The following RREB1 variants were observed in gnomAD, a reference collection of about 807,000 sequenced individuals.
RREB1 encodes ras responsive element binding protein 1.
RREB1 carries 27 observed loss-of-function variants against 117.8 expected under a neutral mutation model. The observed-to-expected ratio is 0.23, with a 90% CI of 0.17 to 0.32. The LOEUF (loss-of-function observed/expected upper bound fraction) is 0.32, where lower values mean the gene tolerates loss of function less well. Ranked by LOEUF, RREB1 falls within the 10% of genes least tolerant of loss-of-function variation. The pLI, the probability that RREB1 is intolerant of heterozygous loss-of-function variation, is 1.00. For synonymous variants in RREB1, 1,298 were observed against 1,026.7 expected (o/e 1.26, Z -5.05); for missense variants, 2,577 against 2,378.2 (o/e 1.08, Z -1.74).
intron 12 of RREB1, among the ~76,000 whole-genome samples, chr6:7,247,537 G>C (rs1181326531): frequency 6.6e-6 from 1 of 152,148 alleles, no homozygotes; most frequent in African/African-American, 2.4e-5. Context: ...CTGTTTCATA[G>C]AGGTATCTAG....
Position 7,231,332 on chromosome 6 carries a change from C to T in RREB1, c.3233C>T (p.Ala1078Val), listed in dbSNP as rs373629551. 6.2e-7 allele frequency: 1 copy of T among 1,611,106 alleles called. No homozygotes were observed. ...IAQIISSVSS[A>V]PTLLKTKVAD... ...CAGATCATCTCATCTGTATCCTCGG[C>T]CCCCACCCTGCTGAAAACCAAGGTG... is the stretch of plus-strand genomic sequence containing the variant. Residue 1078 changes from alanine (A) to valine (V), a missense_variant, in exon 10 of 13, where the codon GCC (alanine) becomes GTC (valine). Transcript: ENST00000379938.
At chr6:7,221,549 T>C (rs574329449) in intron 8 of RREB1, among the ~76,000 whole-genome samples, 1 of 152,386 alleles carries the variant, frequency 6.6e-6, no homozygotes, top group East Asian at 1.9e-4. Context: ...AGAAATTTCT[T>C]CTCTGCCACT....
chr6:7,114,470 G>GC (rs1554114387), intron 1 of RREB1, among the ~76,000 whole-genome samples: 2 of 39,876 alleles, frequency 5.0e-5, no homozygotes, highest in African/African-American at 1.2e-4. Context: ...GTTTCTGGTG[G>GC]GGGGGGGGGC....
chr6:7,149,991 G>T (rs1287458015), intron 1 of RREB1, among the ~76,000 whole-genome samples: 2 of 144,164 alleles, frequency 1.4e-5, no homozygotes, highest in Non-Finnish European at 3.0e-5. Context: ...GCCTGGCCTG[G>T]TTGGTTTTTT....
chr6:7,215,308 C>T (rs6919004), intron 8 of RREB1: 80,239 of 151,836 alleles, frequency 0.53, 22,354 homozygotes, highest in East Asian at 0.79. Flanking sequence ...GGGCCACGCA[C>T]GTCCTTGGAA....
At chr6:7,247,545 T>C (rs1456305934) in intron 12 of RREB1, among the ~76,000 whole-genome samples, 1 of 152,158 alleles carries the variant, frequency 6.6e-6, no homozygotes, top group Non-Finnish European at 1.5e-5. Context: ...TAGAGGTATC[T>C]AGGAGAGGGT....
At chr6:7,148,465 A>G (rs1762969290) in intron 1 of RREB1, among the ~76,000 whole-genome samples, 1 of 149,554 alleles carries the variant, frequency 6.7e-6, no homozygotes, top group Non-Finnish European at 1.5e-5. Flanking sequence ...TGTATCCACA[A>G]TTATCTCAGG....
chr6:7,134,203 T>C (rs941982251), intron 1 of RREB1, among the ~76,000 whole-genome samples: 14 of 152,184 alleles, frequency 9.2e-5, no homozygotes, highest in Non-Finnish European at 1.8e-4. Context: ...AAGAGAAAAA[T>C]ACTGAACTGA....
At chr6:7,215,714 C>G (rs1397257300) in intron 8 of RREB1, 1 of 152,230 alleles carries the variant, frequency 6.6e-6, no homozygotes, top group South Asian at 2.1e-4. Flanking sequence ...CCAGTATCAT[C>G]AAAATATAAT....
intron 1 of RREB1, among the ~76,000 whole-genome samples, chr6:7,123,896 C>T (rs1355970968): frequency 6.6e-6 from 1 of 152,106 alleles, no homozygotes; most frequent in Non-Finnish European, 1.5e-5. Context: ...CAGGTGTGAG[C>T]CACCGCGCCC....
At chr6:7,126,790 C>T (rs1276089688) in intron 1 of RREB1, among the ~76,000 whole-genome samples, 3 of 152,196 alleles carry the variant, frequency 2.0e-5, no homozygotes, top group Non-Finnish European at 4.4e-5. Flanking sequence ...AGCAAGCCTG[C>T]ATCAAGAACC....
At chr6:7,193,692 TTA>T (rs1765526416) in intron 6 of RREB1, among the ~76,000 whole-genome samples, 1 of 152,190 alleles carries the variant, frequency 6.6e-6, no homozygotes, top group Non-Finnish European at 1.5e-5. Context: ...CACACAAAAT[TTA>T]TATATGTTTC....
In RREB1 at chr6:7,230,767, A is replaced by C. The variant is rs1475539349; in HGVS notation, c.2668A>C (p.Ser890Arg). 1 of 1,612,372 alleles carries C rather than the reference A, an allele frequency of 6.2e-7. No individual in the cohort carries two copies. The highest frequency in any genetic ancestry group is 8.5e-7 in the Non-Finnish European group (1 of 1,178,864). Reference sequence around the variant, plus strand: ...TGTCTCGATCAAGTTGGAGCCCGCCAGTAGCTTTGCGGTGGACTTCAATGA... The same window carrying C: ...TGTCTCGATCAAGTTGGAGCCCGCCCGTAGCTTTGCGGTGGACTTCAATGA... ...PHVSIKLEPA[S>R]SFAVDFNEPL... Residue 890 changes from serine to arginine, a missense_variant, in exon 10 of 13, where the codon AGT becomes CGT. By Grantham distance (110) the Ser-to-Arg change is moderately radical. Coordinates refer to ENST00000379938, the MANE Select transcript of RREB1 (RefSeq NM_001003699.4).
chr6:7,153,160 C>G (rs555259011), intron 1 of RREB1, among the ~76,000 whole-genome samples: 1 of 130,500 alleles, frequency 7.7e-6, no homozygotes, highest in South Asian at 2.4e-4. Context: ...ATTCCACAGT[C>G]TGGTAAGTTG....
intron 10 of RREB1, 107 bp downstream of exon 10, chr6:7,232,014 T>A (rs1581578811): frequency 8.3e-7 from 1 of 1,199,892 alleles, no homozygotes; most frequent in East Asian, 2.5e-5. Flanking sequence ...CAGTTATTCC[T>A]AGCTTGGCTT....
chr6:7,193,350 A>C (rs1324902065), intron 6 of RREB1, among the ~76,000 whole-genome samples: 1 of 152,192 alleles, frequency 6.6e-6, no homozygotes, highest in Non-Finnish European at 1.5e-5. Flanking sequence ...TGGGTCTAGT[A>C]GGTTTATAGC....
chr6:7,231,103 G>C lies in RREB1; in HGVS notation c.3004G>C (p.Glu1002Gln). The C allele has an allele frequency of 1.2e-6, 2 of 1,612,898 alleles. No homozygotes were observed. The highest frequency in any genetic ancestry group is 2.2e-5 in the East Asian group (1 of 44,836). Residue 1002 changes from glutamate (E) to glutamine (Q), a missense_variant, in exon 10 of 13, where the codon GAA (glutamate) becomes CAA (glutamine). Physicochemically the swap from Glu to Gln is conservative, Grantham distance 29. Coordinates refer to ENST00000379938, the MANE Select transcript of RREB1 (RefSeq NM_001003699.4). ...GGCCCCTGCTCCGGCGGCCACCCCG[G>C]AACCCCCAGCACAGCCCCTGCAGGG... ...PMAPAPAATPEPPAQPLQGPV... is the reference protein window; with the variant it reads ...PMAPAPAATPQPPAQPLQGPV...
At chr6:7,195,211 TTTGAAATACTAG>T (rs540985596) in intron 6 of RREB1, among the ~76,000 whole-genome samples, 1 of 152,380 alleles carries the variant, frequency 6.6e-6, no homozygotes, top group Non-Finnish European at 1.5e-5. Flanking sequence ...TAATAATATA[TTTGAAATACTAG>T]GGATTATCAT....
chr6:7,175,256 C>T (rs541935821), intron 1 of RREB1, among the ~76,000 whole-genome samples: 3 of 148,776 alleles, frequency 2.0e-5, no homozygotes, highest in Middle Eastern at 3.4e-3. Flanking sequence ...ATGTGTCACG[C>T]AAAACAGGGA....
Sources: gnomAD v4.1 joint callset for allele counts (sites outside exome capture counted in the v4.1 genomes callset) on GRCh38, gnomAD v4.1.1 for gene constraint, MANE v1.5 for transcripts, NCBI Gene and HGNC (gene_info 2026-07-23, HGNC 2026-07-21) for gene names.